Variants in UBA52 observed in about 807,000 individuals in gnomAD.
UBA52 encodes ubiquitin-ribosomal protein eL40 fusion protein.
UBA52 carries 1 observed loss-of-function variant against 15.3 expected under a neutral mutation model. The ratio of observed to expected loss-of-function variants is 0.07; its 90% CI spans 0.02 to 0.31. The LOEUF is 0.31. Ranked by LOEUF, UBA52 falls within the 10% of genes least tolerant of loss-of-function variation. The pLI is 1.00. For synonymous variants in UBA52, 50 were observed against 58.3 expected (o/e 0.86, Z 0.65); for missense variants, 87 against 168.0 (o/e 0.52, Z 2.66).
upstream of UBA52, among the ~76,000 whole-genome samples, chr19:18,566,950 T>G (rs887741177): frequency 1.3e-5 from 2 of 152,134 alleles, no homozygotes; most frequent in Non-Finnish European, 2.9e-5. Flanking sequence ...TGGGCGACTG[T>G]CAGGGCCGTG....
At chr19:18,566,455 CAAA>C in the UBA52 span, among the ~76,000 whole-genome samples, 1 of 116,644 alleles carries the variant, frequency 8.6e-6, no homozygotes, top group Non-Finnish European at 1.7e-5. Context: ...GACTCCGTCT[CAAA>C]AAAAAAAAAA....
chr19:18,567,316 G>A (rs1975296783), upstream of UBA52: 1 of 856,934 alleles, frequency 1.2e-6, no homozygotes. Flanking sequence ...CTGGGGTGGG[G>A]GCAGGGTCAG....
the UBA52 span, among the ~76,000 whole-genome samples, chr19:18,564,605 G>A: frequency 1.3e-5 from 2 of 152,034 alleles, no homozygotes; most frequent in Non-Finnish European, 2.9e-5. Flanking sequence ...CCTGGGTGAC[G>A]AAGCAAGACT....
chr19:18,570,159 G>GT (rs1256311942), upstream of UBA52, among the ~76,000 whole-genome samples: 1 of 151,968 alleles, frequency 6.6e-6, no homozygotes, highest in African/African-American at 2.4e-5. Flanking sequence ...AAGCCTATAG[G>GT]TAACTTCTCA....
At chr19:18,564,350 G>A in the UBA52 span, among the ~76,000 whole-genome samples, 106 of 152,158 alleles carry the variant, frequency 7.0e-4, 2 homozygotes, top group South Asian at 0.021. Context: ...GGCCAGGCAC[G>A]ATGGCTCACT....
upstream of UBA52, among the ~76,000 whole-genome samples, chr19:18,567,481 C>T (rs1345159828): frequency 6.6e-6 from 1 of 152,206 alleles, no homozygotes; most frequent in Admixed American, 6.5e-5. Context: ...AGCACGGGCT[C>T]ATGTGACACC....
chr19:18,573,637 C>G, intron 2 of UBA52, 25 bp from the exon 3 acceptor site: 4 of 1,612,804 alleles, frequency 2.5e-6, no homozygotes, highest in Middle Eastern at 3.3e-4. Context: ...CGCAGAGCCT[C>G]TAACTGAGCC....
chr19:18,568,644 G>C, upstream of UBA52: 4 of 1,594,354 alleles, frequency 2.5e-6, no homozygotes, highest in Non-Finnish European at 2.6e-6. Flanking sequence ...CTGCTGCCCG[G>C]TGCCTTGAGG....
At chr19:18,564,728 G>C in the UBA52 span, 1 of 912,254 alleles carries the variant, frequency 1.1e-6, no homozygotes, top group Non-Finnish European at 1.7e-6. Context: ...TCAAAGAGTA[G>C]GTAGAACTCT....
chr19:18,566,010 T>C, the UBA52 span, among the ~76,000 whole-genome samples: 1 of 152,142 alleles, frequency 6.6e-6, no homozygotes, highest in Non-Finnish European at 1.5e-5. Flanking sequence ...TGTATTTTTT[T>C]AGTAGAGACA....
chr19:18,574,417 T>C (rs1975676678), intron 3 of UBA52, among the ~76,000 whole-genome samples: 1 of 151,502 alleles, frequency 6.6e-6, no homozygotes, highest in Non-Finnish European at 1.5e-5. Flanking sequence ...GCCTCCCGAG[T>C]AGCTGGGATT....
the UBA52 span, among the ~76,000 whole-genome samples, chr19:18,566,592 A>G: frequency 6.6e-6 from 1 of 151,998 alleles, no homozygotes; most frequent in African/African-American, 2.4e-5. Context: ...GAAGTTTGAG[A>G]CCAGCCTGGC....
intron 3 of UBA52, among the ~76,000 whole-genome samples, 190 bp from the exon 4 acceptor site, chr19:18,574,680 G>C (rs1411822489): frequency 6.6e-6 from 1 of 152,202 alleles, no homozygotes; most frequent in Non-Finnish European, 1.5e-5. Flanking sequence ...TCAGTGCTGA[G>C]ATGGAGATTT....
At chr19:18,564,774 A>C in the UBA52 span, 2 of 1,397,978 alleles carry the variant, frequency 1.4e-6, no homozygotes, top group Non-Finnish European at 2.0e-6. Flanking sequence ...AAGGTTGTGA[A>C]GCAGGCAAGG....
upstream of UBA52, chr19:18,567,078 G>C: frequency 6.3e-7 from 1 of 1,580,868 alleles, no homozygotes; most frequent in South Asian, 1.1e-5. Context: ...CCAGCACCAG[G>C]CCCAGCCTAC....
In UBA52 at chr19:18,573,321, C is replaced by T; in HGVS notation, c.21C>T (p.Thr7=). MQIFVK[T]LTGKTITLEV... is the part of the protein sequence containing the mutation. ...CAAACATGCAGATCTTTGTGAAGAC[C>T]CTCACTGGCAAAACCATCACCCTTG... Residue 7 remains threonine (T), a synonymous_variant, in exon 2 of 5, where the codon ACC becomes ACT. Transcript: ENST00000442744. 3.7e-6 allele frequency: 6 copies of T among 1,614,174 alleles called. No homozygotes were observed. The highest frequency in any genetic ancestry group is 2.2e-5 in the East Asian group (1 of 44,884).
At chr19:18,573,433 C>T (rs760314075) in intron 2 of UBA52, 30 bp downstream of exon 2, 2 of 1,580,750 alleles carry the variant, frequency 1.3e-6, no homozygotes. Context: ...GGGGCTCTGG[C>T]TGTGAACTGG....
chr19:18,574,508 T>C (rs531221943), intron 3 of UBA52, among the ~76,000 whole-genome samples: 83 of 152,124 alleles, frequency 5.5e-4, no homozygotes, highest in African/African-American at 2.0e-3. Context: ...GCCAGGCTGG[T>C]CTCTTAAAGT....
At chr19:18,568,639 G>A (rs769055388), upstream of UBA52, 16 of 1,601,560 alleles carry the variant, frequency 1.0e-5, no homozygotes, top group Admixed American at 3.3e-5. Context: ...TAGCCCTGCT[G>A]CCCGGTGCCT....
Sources: gnomAD v4.1 joint callset for allele counts (sites outside exome capture counted in the v4.1 genomes callset) on GRCh38, gnomAD v4.1.1 for gene constraint, MANE v1.5 for transcripts, NCBI Gene and HGNC (gene_info 2026-07-23, HGNC 2026-07-21) for gene names.